PPP2CB: variants seen among roughly 807,000 people sequenced by gnomAD.
PPP2CB encodes the protein protein phosphatase 2 catalytic subunit beta.
In PPP2CB, 18 loss-of-function variants were observed where a neutral mutation model predicts 39.1. That is an observed-to-expected ratio of 0.46 (90% CI 0.32 to 0.68). The LOEUF is 0.68. PPP2CB is among the 30% of genes least tolerant of loss of function. The pLI, the probability that PPP2CB is intolerant of heterozygous loss-of-function variation, is 0.04. For synonymous variants in PPP2CB, 129 were observed against 133.8 expected (o/e 0.96, Z 0.25); for missense variants, 226 against 396.9 (o/e 0.57, Z 3.66).
In PPP2CB at chr8:30,786,208, T is replaced by A. The variant is rs770856506; in HGVS notation, c.*27A>T. 49 of 1,513,892 alleles carry A rather than the reference T, an allele frequency of 3.2e-5. No homozygotes were observed. Among genetic ancestry groups the A allele is most frequent in the Non-Finnish European group, 8.0e-6 (9 of 1,118,692 alleles). 93.8% of individuals were successfully genotyped at this position (1,513,892 alleles called of 1,614,324 possible). A position where few individuals can be genotyped will look rare whatever the true frequency, so the allele number is the denominator to read the frequency against. On this transcript the variant is annotated 3_prime_UTR_variant, in exon 7 of 7. Transcript: ENST00000221138. ...TTAAAAAGCCAGGTATACTTCCACA[T>A]ACAAAGGCAGGTTTCCCAGGAGAAA...
intron 3 of PPP2CB, 64 bp from the exon 4 acceptor site, chr8:30,794,345 T>G (rs982456401): frequency 7.5e-7 from 1 of 1,340,162 alleles, no homozygotes; most frequent in Non-Finnish European, 1.1e-6. Context: ...TAACAAAGAG[T>G]AAATAATGGT....
At chr8:30,796,899 C>T (rs1806536405) in intron 3 of PPP2CB, among the ~76,000 whole-genome samples, 1 of 152,108 alleles carries the variant, frequency 6.6e-6, no homozygotes, top group South Asian at 2.1e-4. Context: ...AGGCTGAAGC[C>T]CAGGCTGGAT....
chr8:30,788,349 G>T (rs1434020858), intron 6 of PPP2CB, among the ~76,000 whole-genome samples: 2 of 151,566 alleles, frequency 1.3e-5, no homozygotes, highest in Non-Finnish European at 2.9e-5. Context: ...TTGCAGCCTT[G>T]ATCAACTGGG....
rs184285658 is a variant in PPP2CB, at chr8:30,810,810, C to T, written c.102+1510G>A. Reference sequence around the variant, plus strand: ...CACAAAGGCCCCGACCAACATTACACCCGTTAAAAATATTGTAACTTAACA... The same window carrying T: ...CACAAAGGCCCCGACCAACATTACATCCGTTAAAAATATTGTAACTTAACA... On this transcript the variant is annotated intron_variant, in intron 1 of 6. Coordinates refer to ENST00000221138, the MANE Select transcript of PPP2CB (RefSeq NM_001009552.2). 7.2e-5 allele frequency among the ~76,000 whole-genome samples: 11 copies of T among 152,314 alleles called. No homozygotes were observed. The East Asian group carries it at 1.9e-3, about 27-fold the overall frequency.
At chr8:30,791,173 C>T (rs2128760440) in intron 6 of PPP2CB, 24 bp downstream of exon 6, 1 of 1,467,354 alleles carries the variant, frequency 6.8e-7, no homozygotes, top group Non-Finnish European at 9.4e-7. Context: ...AAAGTATATA[C>T]AATTAAAATT....
intron 3 of PPP2CB, among the ~76,000 whole-genome samples, chr8:30,797,371 T>C (rs540163688): frequency 3.3e-5 from 5 of 152,324 alleles, no homozygotes; most frequent in African/African-American, 1.2e-4. Context: ...TTTACATACA[T>C]ATCTGAGAAC....
At chr8:30,802,631 C>T (rs1175476596) in intron 1 of PPP2CB, among the ~76,000 whole-genome samples, 1 of 152,122 alleles carries the variant, frequency 6.6e-6, no homozygotes, top group Non-Finnish European at 1.5e-5. Flanking sequence ...AGGTCTGAGC[C>T]ACCGTGACTG....
intron 1 of PPP2CB, among the ~76,000 whole-genome samples, chr8:30,809,076 AT>A (rs777467309): frequency 0.079 from 10,978 of 138,966 alleles, 704 homozygotes; most frequent in African/African-American, 0.19. Flanking sequence ...CGCCCAGCTA[AT>A]TTTTTTTTTT....
At chr8:30,795,490 A>C (rs1003339555) in intron 3 of PPP2CB, among the ~76,000 whole-genome samples, 1 of 152,174 alleles carries the variant, frequency 6.6e-6, no homozygotes, top group Non-Finnish European at 1.5e-5. Context: ...TTATTTTATA[A>C]AATAACTGAG....
intron 1 of PPP2CB, among the ~76,000 whole-genome samples, chr8:30,809,354 AC>A (rs1168162366): frequency 6.6e-6 from 1 of 152,136 alleles, no homozygotes; most frequent in Non-Finnish European, 1.5e-5. Flanking sequence ...GATGAATGCT[AC>A]ACTTGTTATG....
chr8:30,800,479 C>T (rs1806602524), intron 1 of PPP2CB, among the ~76,000 whole-genome samples: 1 of 152,190 alleles, frequency 6.6e-6, no homozygotes, highest in Non-Finnish European at 1.5e-5. Flanking sequence ...CATAGGCCAA[C>T]CTTGAATTTC....
chr8:30,797,707 G>T lies in PPP2CB; in HGVS notation c.360C>A (p.Ser120Arg). The change falls in exon 3 of 7, where the codon AGC becomes AGA. Residue 120 changes from serine to arginine, a missense_variant. Ser to Arg is a moderately radical substitution (Grantham distance 110, BLOSUM62 -1). This residue lies in a region of PPP2CB where 110 missense variants were observed against 244.1 expected (regional missense o/e 0.45). Transcript: ENST00000221138. ...RITILRGNHE[S>R]RQITQVYGFY... ...AGCCATATACTTGGGTAATTTGTCG[G>T]CTTTCGTGATTTCCTCTCAATATTG... 1 of 1,614,028 alleles carries T rather than the reference G, an allele frequency of 6.2e-7. No homozygotes were observed. Among genetic ancestry groups the T allele is most frequent in the Non-Finnish European group, 8.5e-7 (1 of 1,179,970 alleles).
At chr8:30,800,744 GC>G (rs1458151683) in intron 1 of PPP2CB, among the ~76,000 whole-genome samples, 1 of 152,154 alleles carries the variant, frequency 6.6e-6, no homozygotes, top group Non-Finnish European at 1.5e-5. Flanking sequence ...AGACTCTCAG[GC>G]CTTATTCTGG....
At chr8:30,789,607 C>T (rs1433907149) in intron 6 of PPP2CB, among the ~76,000 whole-genome samples, 1 of 152,202 alleles carries the variant, frequency 6.6e-6, no homozygotes, top group Non-Finnish European at 1.5e-5. Flanking sequence ...TGCACATATT[C>T]TGCCAGACTG....
chr8:30,807,117 T>C (rs1563217754), intron 1 of PPP2CB, among the ~76,000 whole-genome samples: 1 of 152,208 alleles, frequency 6.6e-6, no homozygotes, highest in Non-Finnish European at 1.5e-5. Context: ...TATTTCACTG[T>C]AATCATGCCA....
chr8:30,799,650 TAA>T lies in PPP2CB; in HGVS notation c.206_207del (p.Phe69Ter). On this transcript the variant is annotated frameshift_variant, in exon 2 of 7. Transcript: ENST00000221138. LOFTEE classifies it high-confidence loss of function. ...HGQFHDLMEL[F>X]RIGGKSPDTN... Reference sequence around the variant, plus strand: ...GTATCCGGTGATTTTCCACCAATTCTAAAGAGTTCCATAAGATCATGAAATTG... The same window carrying T: ...GTATCCGGTGATTTTCCACCAATTCTAGAGTTCCATAAGATCATGAAATTG... The T allele has an allele frequency of 6.2e-7, 1 of 1,614,050 alleles. No individual in the cohort carries two copies. Among genetic ancestry groups the T allele is most frequent in the Non-Finnish European group, 8.5e-7 (1 of 1,179,916 alleles).
intron 6 of PPP2CB, among the ~76,000 whole-genome samples, chr8:30,790,218 G>C (rs1224535284): frequency 6.6e-6 from 1 of 152,244 alleles, no homozygotes; most frequent in Middle Eastern, 3.4e-3. Context: ...AATATTATAT[G>C]AATACCCCAC....
Position 30,799,560 on chromosome 8 carries a change from G to T in PPP2CB, c.298C>A (p.Leu100Ile). ...AATAATCATACCTTTAATGCTACAA[G>T]AAGAGTCACAGTCTCCACTGAATAA... The part of the protein sequence containing the change: ...GYYSVETVTL[L>I]VALKVRYPER... The change falls in exon 2 of 7, where the codon CTT (leucine) becomes ATT (isoleucine). Residue 100 changes from leucine (L) to isoleucine (I), a missense_variant. Transcript: ENST00000221138. 6.2e-7 allele frequency: 1 copy of T among 1,610,100 alleles called. No individual in the cohort carries two copies. The highest frequency in any genetic ancestry group is 8.5e-7 in the Non-Finnish European group (1 of 1,177,550).
At chr8:30,811,505 ATTTTT>A (rs569063598) in intron 1 of PPP2CB, among the ~76,000 whole-genome samples, 2 of 127,608 alleles carry the variant, frequency 1.6e-5, no homozygotes, top group African/African-American at 3.1e-5. Flanking sequence ...AGAATCAGCG[ATTTTT>A]TTTTTTTTTT....
Sources: gnomAD v4.1 joint callset for allele counts (sites outside exome capture counted in the v4.1 genomes callset) on GRCh38, gnomAD v4.1.1 for gene constraint, gnomAD v4.1.1 regional missense constraint, MANE v1.5 for transcripts, NCBI Gene and HGNC (gene_info 2026-07-23, HGNC 2026-07-21) for gene names.